SLC22A25: variants seen among roughly 807,000 people sequenced by gnomAD.
SLC22A25 encodes solute carrier family 22 member 25.
SLC22A25 carries 44 observed loss-of-function variants against 45.9 expected under a neutral mutation model. The observed-to-expected ratio is 0.96, with a 90% CI of 0.75 to 1.23. The LOEUF (loss-of-function observed/expected upper bound fraction) is 1.23. SLC22A25 is among the 50% of genes most tolerant of loss of function. The pLI, the probability that SLC22A25 is intolerant of heterozygous loss-of-function variation, is 0.00. For synonymous variants in SLC22A25, 283 were observed against 238.6 expected (o/e 1.19, Z -1.72); for missense variants, 800 against 666.4 (o/e 1.20, Z -2.21).
At chr11:63,210,924 GC>G (rs954783722) in intron 7 of SLC22A25, among the ~76,000 whole-genome samples, 45 of 152,206 alleles carry the variant, frequency 3.0e-4, no homozygotes, top group African/African-American at 1.1e-3. Context: ...GAAACTGCAG[GC>G]ACAAATTTCC....
chr11:63,206,447 AC>A (rs919583016), intron 7 of SLC22A25, among the ~76,000 whole-genome samples: 7 of 152,244 alleles, frequency 4.6e-5, no homozygotes, highest in Admixed American at 1.3e-4. Context: ...GTCTCAGGAT[AC>A]AAAATCAATG....
chr11:63,236,635 G>GCTGCACCCACTGTC (rs558719722), intron 3 of SLC22A25, among the ~76,000 whole-genome samples: 1 of 152,038 alleles, frequency 6.6e-6, no homozygotes, highest in Non-Finnish European at 1.5e-5. Context: ...TGCACGGTGT[G>GCTGCACCCACTGTC]CTGCACCCAC....
At chr11:63,183,598 G>GT (rs1201992331) in intron 8 of SLC22A25, 96 bp downstream of exon 8, 39 of 1,520,056 alleles carry the variant, frequency 2.6e-5, no homozygotes, top group African/African-American at 4.1e-5. Context: ...AACTCTACCT[G>GT]TGTTTCTCTC....
In SLC22A25 at chr11:63,229,361, G is replaced by A. The variant is rs1472658246; in HGVS notation, c.292C>T (p.Leu98Phe). 1.9e-6 allele frequency: 3 copies of A among 1,614,056 alleles called. No individual in the cohort carries two copies. Among genetic ancestry groups the A allele is most frequent in the South Asian group, 2.2e-5 (2 of 91,050 alleles). The stretch of plus-strand genomic sequence containing the variant: ...GGGAAGGTCCCATTCAGATGAATGA[G>A]CTTCCACTGGGGATGGACAAAGCGA... ...CRRFVHPQWKLIHLNGTFPNT... is the reference protein window; with the variant it reads ...CRRFVHPQWKFIHLNGTFPNT... The change falls in exon 4 of 12, where the codon CTC becomes TTC. Residue 98 changes from leucine to phenylalanine, a missense_variant. Physicochemically the swap from Leu to Phe is conservative, Grantham distance 22 (BLOSUM62 0). Coordinates refer to ENST00000306494, the MANE Select transcript of SLC22A25 (RefSeq NM_199352.6).
At chr11:63,239,692 A>G (rs1260487203) in intron 1 of SLC22A25, among the ~76,000 whole-genome samples, 1 of 152,240 alleles carries the variant, frequency 6.6e-6, no homozygotes, top group Non-Finnish European at 1.5e-5. Flanking sequence ...AAATCACAGC[A>G]GAAACTCATT....
At chr11:63,185,424 G>T (rs1034920238) in intron 7 of SLC22A25, among the ~76,000 whole-genome samples, 1 of 151,962 alleles carries the variant, frequency 6.6e-6, no homozygotes, top group African/African-American at 2.4e-5. Context: ...TGCTGAGAAT[G>T]ATGGTTTCCA....
At chr11:63,202,789 A>C (rs2089287623) in intron 7 of SLC22A25, among the ~76,000 whole-genome samples, 1 of 152,216 alleles carries the variant, frequency 6.6e-6, no homozygotes, top group South Asian at 2.1e-4. Context: ...ATCTCCGAGC[A>C]CAGTGCTTGA....
At chr11:63,177,944 C>T (rs1003912951) in intron 9 of SLC22A25, among the ~76,000 whole-genome samples, 1 of 128,014 alleles carries the variant, frequency 7.8e-6, no homozygotes, top group Non-Finnish European at 1.7e-5. Flanking sequence ...CTCACTCTGT[C>T]TTAAAAGTGA....
At chr11:63,241,084 T>C (rs1382153021) in intron 1 of SLC22A25, among the ~76,000 whole-genome samples, 2 of 152,194 alleles carry the variant, frequency 1.3e-5, no homozygotes, top group African/African-American at 4.8e-5. Flanking sequence ...AATATTAGTA[T>C]TTGTCTTGGT....
intron 2 of SLC22A25, among the ~76,000 whole-genome samples, chr11:63,238,311 T>C (rs1035034196): frequency 2.0e-5 from 3 of 152,194 alleles, no homozygotes; most frequent in Non-Finnish European, 4.4e-5. Context: ...CCTTAAAAAA[T>C]TTAATGATTC....
At chr11:63,210,849 G>A (rs1000092681) in intron 7 of SLC22A25, among the ~76,000 whole-genome samples, 2 of 152,172 alleles carry the variant, frequency 1.3e-5, no homozygotes, top group Admixed American at 6.5e-5. Flanking sequence ...GGCACAAAAA[G>A]TACAGCATGA....
chr11:63,235,658 T>C (rs764980268), intron 3 of SLC22A25, among the ~76,000 whole-genome samples: 3 of 152,240 alleles, frequency 2.0e-5, no homozygotes, highest in Non-Finnish European at 2.9e-5. Context: ...GAAGTCATTC[T>C]CTGTCCAGCT....
At chr11:63,202,097 G>A (rs971886271) in intron 7 of SLC22A25, among the ~76,000 whole-genome samples, 2 of 152,100 alleles carry the variant, frequency 1.3e-5, no homozygotes, top group Non-Finnish European at 2.9e-5. Context: ...TGCTGTGAGG[G>A]ACGGTGCATC....
At position 63,206,271 on chromosome 11, in the gene SLC22A25, G is replaced by A. The variant is rs191423057; in HGVS notation, c.830+11043C>T. On this transcript the variant is annotated intron_variant, in intron 7 of 11. Coordinates refer to ENST00000306494, the MANE Select transcript of SLC22A25 (RefSeq NM_199352.6). ...CACTACTCCTATTCAACATAGTATT[G>A]GAAGTTCTGGCCAGGCCAATCAGGC... is the stretch of plus-strand genomic sequence containing the variant. Among the ~76,000 whole-genome samples, 17 of 152,264 alleles carry A rather than the reference G, an allele frequency of 1.1e-4. No homozygotes were observed. In the East Asian group the frequency reaches 3.1e-3, roughly 28 times the overall value.
chr11:63,189,166 T>A (rs761130548), intron 7 of SLC22A25, among the ~76,000 whole-genome samples: 6 of 152,146 alleles, frequency 3.9e-5, no homozygotes, highest in Admixed American at 6.5e-5. Flanking sequence ...CCCATTATTA[T>A]TGTGTGGGAG....
At chr11:63,208,349 C>A (rs970064211) in intron 7 of SLC22A25, 1 of 152,330 alleles carries the variant, frequency 6.6e-6, no homozygotes, top group African/African-American at 2.4e-5. Flanking sequence ...GCTTCATCAC[C>A]TCCCAGGGAA....
intron 5 of SLC22A25, among the ~76,000 whole-genome samples, chr11:63,221,314 C>A (rs983351831): frequency 1.3e-5 from 2 of 152,040 alleles, no homozygotes; most frequent in Non-Finnish European, 2.9e-5. Context: ...TGGATACAAG[C>A]GATTTTAACT....
chr11:63,167,918 C>A, intron 9 of SLC22A25: 1 of 398,764 alleles, frequency 2.5e-6, no homozygotes. Flanking sequence ...CAGGAGAGCT[C>A]TGGCTGGCAT....
intron 7 of SLC22A25, among the ~76,000 whole-genome samples, chr11:63,200,880 C>G (rs2089219642): frequency 6.6e-6 from 1 of 152,020 alleles, no homozygotes; most frequent in South Asian, 2.1e-4. Context: ...AGCCAAGAGC[C>G]AAATAATGAA....
Sources: gnomAD v4.1 joint callset for allele counts (sites outside exome capture counted in the v4.1 genomes callset) on GRCh38, gnomAD v4.1.1 for gene constraint, MANE v1.5 for transcripts, NCBI Gene and HGNC (gene_info 2026-07-23, HGNC 2026-07-21) for gene names.